PHACTR3: variants seen among roughly 807,000 people sequenced by gnomAD.
PHACTR3 encodes the protein phosphatase and actin regulator 3, also known as protein phosphatase 1, regulatory subunit 123.
Under a neutral mutation model 66.8 loss-of-function variants are expected in PHACTR3, and 16 were observed. The ratio of observed to expected loss-of-function variants is 0.24; its 90% CI spans 0.16 to 0.36. The LOEUF is 0.36. Among genes scored for constraint, PHACTR3 ranks in the 10% least tolerant of loss-of-function variants. The pLI is 1.00. For missense variants in PHACTR3, 647 were observed against 719.9 expected (o/e 0.90, Z 1.16); for synonymous variants, 323 against 292.1 (o/e 1.11, Z -1.08).
chr20:59,811,319 T>C (rs1212244713), intron 8 of PHACTR3, among the ~76,000 whole-genome samples: 1 of 152,234 alleles, frequency 6.6e-6, no homozygotes, highest in Non-Finnish European at 1.5e-5. Flanking sequence ...AACTGGGCAA[T>C]GCACCAGGTG....
At chr20:59,752,723 G>C (rs2039643890) in intron 3 of PHACTR3, among the ~76,000 whole-genome samples, 1 of 152,146 alleles carries the variant, frequency 6.6e-6, no homozygotes, top group Admixed American at 6.5e-5. Flanking sequence ...GATGACGATG[G>C]AGGCATCCTT....
chr20:59,710,932 AG>A (rs2037890971), intron 1 of PHACTR3, among the ~76,000 whole-genome samples: 1 of 152,210 alleles, frequency 6.6e-6, no homozygotes, highest in Admixed American at 6.5e-5. Flanking sequence ...TGAGTCTAAA[AG>A]TATTGCACAC....
intron 1 of PHACTR3, among the ~76,000 whole-genome samples, chr20:59,608,320 G>A (rs918610830): frequency 2.6e-5 from 4 of 152,104 alleles, no homozygotes; most frequent in East Asian, 1.9e-4. Flanking sequence ...CCACTGCTTC[G>A]TTAATGGGCC....
chr20:59,734,694 A>C (rs2038885808), intron 1 of PHACTR3, among the ~76,000 whole-genome samples: 1 of 151,884 alleles, frequency 6.6e-6, no homozygotes, highest in African/African-American at 2.4e-5. Context: ...TCCCAATTTT[A>C]TATGTGGAAA....
intron 7 of PHACTR3, among the ~76,000 whole-genome samples, chr20:59,776,510 G>A (rs2040543090): frequency 2.4e-5 from 2 of 84,204 alleles, no homozygotes; most frequent in South Asian, 3.6e-4. Context: ...AGCCACACGG[G>A]GAGGATAGCC....
At chr20:59,670,614 G>T (rs115734029) in intron 1 of PHACTR3, among the ~76,000 whole-genome samples, 11,706 of 131,048 alleles carry the variant, frequency 0.089, 1,005 homozygotes, top group East Asian at 0.31. Flanking sequence ...GTGGGGGGGG[G>T]GGGCAGGCAC....
At position 59,605,025 on chromosome 20, in the gene PHACTR3, C is replaced by T; in HGVS notation, c.11C>T (p.Ser4Leu). The stretch of plus-strand genomic sequence containing the variant: ...GCGCCGGCCGGGCCCATGGCCGCGT[C>T]GGAGGACGGGAGCGGCTGCCTCGTG... MAA[S>L]EDGSGCLVSR... Residue 4 changes from serine (S) to leucine (L), a missense_variant, in exon 1 of 13, where the codon TCG becomes TTG. By Grantham distance (145) the Ser-to-Leu change is moderately radical. This residue lies in a region of PHACTR3 where 577 missense variants were observed against 571.1 expected (regional missense o/e 1.01). Transcript: ENST00000371015. 20 of 1,338,326 alleles carry T rather than the reference C, an allele frequency of 1.5e-5. No homozygotes were observed. The highest frequency in any genetic ancestry group is 1.8e-5 in the Non-Finnish European group (19 of 1,037,294). 82.9% of individuals were successfully genotyped at this position (1,338,326 alleles called of 1,614,324 possible).
chr20:59,679,474 A>G (rs1344821515), intron 1 of PHACTR3, among the ~76,000 whole-genome samples: 1 of 152,226 alleles, frequency 6.6e-6, no homozygotes. Context: ...TTGTATTAAC[A>G]TGGCAAACAC....
At chr20:59,756,669 C>T (rs576150718) in intron 4 of PHACTR3, among the ~76,000 whole-genome samples, 29 of 151,904 alleles carry the variant, frequency 1.9e-4, no homozygotes, top group African/African-American at 6.8e-4. Flanking sequence ...TTGGGGCTGG[C>T]GTGGTTCTTT....
chr20:59,683,719 A>G (rs2036750660), intron 1 of PHACTR3, among the ~76,000 whole-genome samples: 1 of 152,238 alleles, frequency 6.6e-6, no homozygotes, highest in South Asian at 2.1e-4. Context: ...CAGGGTCGTC[A>G]TAATACCAAA....
rs1170053849 is a variant in PHACTR3 at position 59,841,451 on chromosome 20, C to T, written c.1503C>T (p.Phe501=). 6.2e-7 allele frequency: 1 copy of T among 1,613,540 alleles called. No individual in the cohort carries two copies. The highest frequency in any genetic ancestry group is 8.5e-7 in the Non-Finnish European group (1 of 1,179,664). ...ELRDRKILIR[F]SDYVEVAKAQ... is the part of the protein sequence containing the mutation. ...GAGACAGAAAAATTCTGATACGATT[C>T]AGTGATTACGTGGAAGTAGCAAAAG... The change falls in exon 11 of 13, where the codon TTC becomes TTT. Residue 501 remains phenylalanine (F), a synonymous_variant. Coordinates refer to ENST00000371015, the MANE Select transcript of PHACTR3 (RefSeq NM_080672.5).
intron 3 of PHACTR3, among the ~76,000 whole-genome samples, 195 bp from the exon 4 acceptor site, chr20:59,754,987 G>A (rs944557543): frequency 6.6e-6 from 1 of 152,176 alleles, no homozygotes. Context: ...ACCAGGCTAG[G>A]GTGTGCTGAG....
rs547165274 is a variant in PHACTR3, at chr20:59,763,079, C to T, written c.542-4107C>T. On this transcript the variant is annotated intron_variant, in intron 4 of 12. Coordinates refer to ENST00000371015, the MANE Select transcript of PHACTR3 (RefSeq NM_080672.5). Reference sequence around the variant, plus strand: ...ATCCCCACAATCCCCATAATCTCCACGTGTCAAGGGAGAGGCCAGGTGGAG... The same window carrying T: ...ATCCCCACAATCCCCATAATCTCCATGTGTCAAGGGAGAGGCCAGGTGGAG... 4.7e-4 allele frequency among the ~76,000 whole-genome samples: 71 copies of T among 152,274 alleles called. 1 individual carries two copies. The highest frequency in any genetic ancestry group is 1.2e-3 in the African/African-American group (49 of 41,548).
intron 4 of PHACTR3, among the ~76,000 whole-genome samples, chr20:59,765,124 G>GAAAGCAT (rs1335474394): frequency 6.6e-6 from 1 of 152,198 alleles, no homozygotes; most frequent in African/African-American, 2.4e-5. Flanking sequence ...TTTTTACCTA[G>GAAAGCAT]AAAGCATAAA....
At chr20:59,828,939 G>C (rs2042268779) in intron 8 of PHACTR3, among the ~76,000 whole-genome samples, 1 of 152,044 alleles carries the variant, frequency 6.6e-6, no homozygotes, top group African/African-American at 2.4e-5. Flanking sequence ...GGGATGGAGA[G>C]AGGCAGATGG....
intron 1 of PHACTR3, among the ~76,000 whole-genome samples, chr20:59,612,170 C>A (rs991999960): frequency 6.6e-6 from 1 of 152,178 alleles, no homozygotes; most frequent in East Asian, 1.9e-4. Context: ...AGTTTGAGAC[C>A]TTTTCTTATT....
At chr20:59,783,983 A>G (rs909488931) in intron 7 of PHACTR3, among the ~76,000 whole-genome samples, 1 of 152,234 alleles carries the variant, frequency 6.6e-6, no homozygotes, top group African/African-American at 2.4e-5. Flanking sequence ...GTGAAGGTCA[A>G]TCTTGTGTGT....
chr20:59,720,199 C>T (rs1446983832), intron 1 of PHACTR3, among the ~76,000 whole-genome samples: 3 of 152,104 alleles, frequency 2.0e-5, no homozygotes, highest in Admixed American at 6.5e-5. Context: ...ATATCTGGTC[C>T]GAAAAGTCGC....
At chr20:59,742,062 C>T (rs559745924) in intron 1 of PHACTR3, among the ~76,000 whole-genome samples, 5 of 152,340 alleles carry the variant, frequency 3.3e-5, no homozygotes, top group South Asian at 2.1e-4. Context: ...TGCCCAGCCC[C>T]GGGGTTCCCC....
Sources: allele counts gnomAD v4.1 joint callset (sites outside exome capture counted in the v4.1 genomes callset), GRCh38; gene constraint gnomAD v4.1.1; regional missense constraint gnomAD v4.1.1; transcripts MANE v1.5; gene names NCBI Gene and HGNC (gene_info 2026-07-23, HGNC 2026-07-21).